Variants in CSMD1 observed in about 807,000 individuals in gnomAD.
CSMD1 encodes the protein CUB and Sushi multiple domains 1.
Under a neutral mutation model 417.5 loss-of-function variants are expected in CSMD1, and 213 were observed. That is an observed-to-expected ratio of 0.51 (90% CI 0.46 to 0.57). The LOEUF is 0.57. Ranked by LOEUF, CSMD1 falls within the 20% of genes least tolerant of loss-of-function variation. The probability of loss-of-function intolerance (pLI) is 0.00; values close to 1 mark genes in which losing one functional copy is unlikely to be tolerated. For missense variants in CSMD1, 6,923 were observed against 4,529.7 expected, an observed-to-expected ratio of 1.53 and a Z score of -15.17; for synonymous variants, 2,862 against 1,736.8, an observed-to-expected ratio of 1.65 and a Z score of -16.11.
chr8:3,889,956 G>A (rs778052271), intron 5 of CSMD1, among the ~76,000 whole-genome samples: 5 of 152,152 alleles, frequency 3.3e-5, no homozygotes, highest in Non-Finnish European at 7.4e-5. Context: ...GCTGAGGTGG[G>A]AGGATTGCTT....
rs528787816 is a variant in CSMD1 at position 3,957,611 on chromosome 8, G to T, written c.818+40292C>A. On this transcript the variant is annotated intron_variant, in intron 5 of 69. Coordinates refer to ENST00000635120, the MANE Select transcript of CSMD1 (RefSeq NM_033225.6). Reference sequence around the variant, plus strand: ...AGGTGGACAGATGGCTTGATCTCAGGAGTTCGGGGTTGCAGTGAACTATAG... The same window carrying T: ...AGGTGGACAGATGGCTTGATCTCAGTAGTTCGGGGTTGCAGTGAACTATAG... Among the ~76,000 whole-genome samples the T allele has an allele frequency of 3.3e-5, 5 of 152,234 alleles. No homozygotes were observed. The East Asian group carries it at 7.7e-4, about 24-fold the overall frequency.
rs570307134 is a variant in CSMD1, at chr8:3,000,874, C to T, written c.8030-743G>A. Among the ~76,000 whole-genome samples, 7 of 152,232 alleles carry T rather than the reference C, an allele frequency of 4.6e-5. No individual in the cohort carries two copies. In the East Asian group the frequency reaches 1.4e-3, roughly 29 times the overall value. On this transcript the variant is annotated intron_variant, in intron 52 of 69. Coordinates refer to ENST00000635120, the MANE Select transcript of CSMD1 (RefSeq NM_033225.6). Reference sequence around the variant, plus strand: ...TTTACTTAAGGGGAGACAGAATGTCCATGTAGATAGTAAAACAATTGACAA... The same window carrying T: ...TTTACTTAAGGGGAGACAGAATGTCTATGTAGATAGTAAAACAATTGACAA...
chr8:4,038,531 C>G (rs566743600), intron 3 of CSMD1, among the ~76,000 whole-genome samples: 1 of 152,166 alleles, frequency 6.6e-6, no homozygotes, highest in Admixed American at 6.5e-5. Flanking sequence ...TTCATTTTAA[C>G]TGAATTTTAA....
chr8:3,651,892 C>G (rs1797875111), intron 7 of CSMD1, among the ~76,000 whole-genome samples: 1 of 151,464 alleles, frequency 6.6e-6, no homozygotes, highest in African/African-American at 2.4e-5. Context: ...AGAATGCTTA[C>G]TACCATCAGA....
chr8:4,422,615 C>G (rs1442778332), intron 2 of CSMD1, among the ~76,000 whole-genome samples: 1 of 152,084 alleles, frequency 6.6e-6, no homozygotes, highest in Admixed American at 6.6e-5. Context: ...GACTTTCAGA[C>G]TCCAGAACTG....
intron 1 of CSMD1, among the ~76,000 whole-genome samples, chr8:4,826,142 C>G (rs373905230): frequency 2.6e-5 from 4 of 151,964 alleles, no homozygotes; most frequent in African/African-American, 9.7e-5. Context: ...CGGTATATAT[C>G]CAACAGAATT....
chr8:4,142,429 A>T (rs568402738), intron 3 of CSMD1, among the ~76,000 whole-genome samples: 6 of 151,202 alleles, frequency 4.0e-5, no homozygotes. Context: ...TGCTACCATA[A>T]CAGAACTAGT....
chr8:4,684,533 A>G (rs1265089710), intron 1 of CSMD1, among the ~76,000 whole-genome samples: 1 of 152,214 alleles, frequency 6.6e-6, no homozygotes, highest in African/African-American at 2.4e-5. Context: ...TTTCAAAAAA[A>G]CATAGAGATT....
At chr8:4,016,393 C>A (rs909843256) in intron 4 of CSMD1, among the ~76,000 whole-genome samples, 2 of 152,082 alleles carry the variant, frequency 1.3e-5, no homozygotes, top group African/African-American at 4.8e-5. Context: ...GATGATCGAG[C>A]CAGTGGCAGA....
chr8:4,918,115 T>C (rs575235785), intron 1 of CSMD1, among the ~76,000 whole-genome samples: 4 of 152,314 alleles, frequency 2.6e-5, no homozygotes, highest in Non-Finnish European at 5.9e-5. Flanking sequence ...ATGTATTCTA[T>C]TACAAAACTG....
At chr8:3,098,416 T>C (rs1196398692) in intron 46 of CSMD1, among the ~76,000 whole-genome samples, 1 of 152,202 alleles carries the variant, frequency 6.6e-6, no homozygotes, top group African/African-American at 2.4e-5. Context: ...CCATTTATCT[T>C]AGCATTCTAA....
At chr8:4,303,678 T>C (rs1245823057) in intron 3 of CSMD1, among the ~76,000 whole-genome samples, 1 of 152,062 alleles carries the variant, frequency 6.6e-6, no homozygotes, top group Admixed American at 6.6e-5. Context: ...TTTTTTGAGA[T>C]GTAGTCTTGC....
chr8:4,940,070 C>G (rs74709110), intron 1 of CSMD1, among the ~76,000 whole-genome samples: 35,594 of 151,938 alleles, frequency 0.23, 4,306 homozygotes, highest in East Asian at 0.38. Flanking sequence ...GGTAGGAGAA[C>G]CGGGCAGAAA....
intron 3 of CSMD1, among the ~76,000 whole-genome samples, chr8:4,291,652 G>C (rs566677033): frequency 1.3e-5 from 2 of 152,204 alleles, no homozygotes; most frequent in East Asian, 3.9e-4. Flanking sequence ...GCAATATGGA[G>C]AACATTTCCT....
intron 7 of CSMD1, among the ~76,000 whole-genome samples, chr8:3,679,111 A>C (rs1255988624): frequency 6.6e-6 from 1 of 152,216 alleles, no homozygotes; most frequent in African/African-American, 2.4e-5. Flanking sequence ...GAGGCTAGGA[A>C]GAAAACTGTA....
intron 3 of CSMD1, among the ~76,000 whole-genome samples, chr8:4,303,119 G>T (rs1250691225): frequency 4.6e-5 from 7 of 152,116 alleles, no homozygotes; most frequent in Middle Eastern, 6.8e-3. Flanking sequence ...TTAAAATAAG[G>T]ACATTATGAT....
intron 10 of CSMD1, among the ~76,000 whole-genome samples, chr8:3,563,642 G>C (rs1276656605): frequency 1.3e-5 from 2 of 152,068 alleles, no homozygotes; most frequent in Non-Finnish European, 2.9e-5. Flanking sequence ...TGTAATCCCA[G>C]CACTTTGGGA....
At chr8:3,714,631 G>A (rs970944556) in intron 6 of CSMD1, among the ~76,000 whole-genome samples, 1 of 150,296 alleles carries the variant, frequency 6.7e-6, no homozygotes, top group African/African-American at 2.4e-5. Flanking sequence ...CAGCTAGTTG[G>A]GAGGCTGAGG....
chr8:4,851,909 C>T (rs1411652468), intron 1 of CSMD1, among the ~76,000 whole-genome samples: 1 of 152,132 alleles, frequency 6.6e-6, no homozygotes, highest in East Asian at 1.9e-4. Flanking sequence ...TACTCATTTG[C>T]TATCACTCTT....
Sources: gnomAD v4.1 joint callset for allele counts (sites outside exome capture counted in the v4.1 genomes callset) on GRCh38, gnomAD v4.1.1 for gene constraint, MANE v1.5 for transcripts, NCBI Gene and HGNC (gene_info 2026-07-23, HGNC 2026-07-21) for gene names.